Variants in HEYL observed in about 807,000 individuals in gnomAD.
HEYL encodes hes related family bHLH transcription factor with YRPW motif like.
Under a neutral mutation model 18.6 loss-of-function variants are expected in HEYL, and 12 were observed. The observed-to-expected ratio is 0.65, with a 90% CI of 0.41 to 1.05. The LOEUF (loss-of-function observed/expected upper bound fraction) is 1.05, where lower values mean the gene tolerates loss of function less well. Among genes scored for constraint, HEYL ranks in the 50% least tolerant of loss-of-function variants. The pLI is 0.00. For missense variants in HEYL, 420 were observed against 444.7 expected (o/e 0.94, Z 0.50); for synonymous variants, 159 against 179.6 (o/e 0.89, Z 0.91).
intron 4 of HEYL, 84 bp from the exon 5 acceptor site, chr1:39,627,264 G>T (rs901077265): frequency 1.6e-6 from 2 of 1,258,662 alleles, no homozygotes; most frequent in Non-Finnish European, 2.2e-6. Context: ...TTCTGGACCT[G>T]CCTCCTCCAC....
chr1:39,630,977 G>A (rs188930214), intron 3 of HEYL, among the ~76,000 whole-genome samples: 18 of 152,340 alleles, frequency 1.2e-4, no homozygotes, highest in Admixed American at 9.2e-4. Context: ...CAGAGGACCC[G>A]TGACCTATGC....
intron 1 of HEYL, among the ~76,000 whole-genome samples, chr1:39,634,251 C>T (rs372113707): frequency 5.9e-5 from 9 of 152,266 alleles, no homozygotes; most frequent in East Asian, 1.9e-4. Context: ...CCCACCACCA[C>T]GTCCAGCTAA....
At chr1:39,629,401 C>A (rs529247773) in intron 4 of HEYL, among the ~76,000 whole-genome samples, 2 of 152,298 alleles carry the variant, frequency 1.3e-5, no homozygotes, top group South Asian at 4.1e-4. Context: ...GTTAAACTTG[C>A]AAACTCCTAA....
Position 39,632,788 on chromosome 1 carries a change from A to T in HEYL, c.81-73T>A, listed in dbSNP as rs562278384. The T allele has an allele frequency of 8.8e-6, 14 of 1,587,470 alleles. No individual in the cohort carries two copies. The African/African-American group carries it at 1.9e-4, about 21-fold the overall frequency. ...CCCCGGCCTGGGCCGACCTCGGGCC[A>T]GGAGGAGCCACAGGCTGGGCCTAGA... On this transcript the variant is annotated intron_variant, in intron 1 of 4. Transcript: ENST00000372852.
At chr1:39,632,572 T>G in intron 2 of HEYL, 77 bp downstream of exon 2, 1 of 1,308,762 alleles carries the variant, frequency 7.6e-7, no homozygotes, top group South Asian at 1.3e-5. Context: ...CTGCCTAGGG[T>G]TCTCCCCGCC....
chr1:39,636,878 G>C (rs1646364559), intron 1 of HEYL, among the ~76,000 whole-genome samples: 1 of 152,198 alleles, frequency 6.6e-6, no homozygotes, highest in Admixed American at 6.5e-5. Context: ...ACTGAATGGT[G>C]ACCGCTTTGA....
At chr1:39,631,112 T>A (rs1646330691) in intron 3 of HEYL, among the ~76,000 whole-genome samples, 1 of 152,198 alleles carries the variant, frequency 6.6e-6, no homozygotes. Context: ...CACTTTCAAG[T>A]CACTCTAGAA....
rs1185277112 is a variant in HEYL at position 39,624,598 on chromosome 1, T to G, written c.*1909A>C. On this transcript the variant is annotated 3_prime_UTR_variant, in exon 5 of 5. Transcript: ENST00000372852. The stretch of plus-strand genomic sequence containing the variant: ...GATAACGGGGAAACTGGCCTTTGCC[T>G]TCTGTTACCTCCTCTGTCCCTGTCC... 1 of 152,506 alleles carries G rather than the reference T, an allele frequency of 6.6e-6. No individual in the cohort carries two copies. The highest frequency in any genetic ancestry group is 2.4e-5 in the African/African-American group (1 of 41,440). 9.4% of individuals were successfully genotyped at this position (152,506 alleles called of 1,614,324 possible). A position where few individuals can be genotyped will look rare whatever the true frequency, so the allele number is the denominator to read the frequency against.
intron 4 of HEYL, among the ~76,000 whole-genome samples, chr1:39,628,639 C>T (rs1646315008): frequency 6.6e-6 from 1 of 151,748 alleles, no homozygotes; most frequent in South Asian, 2.1e-4. Flanking sequence ...GCTCTGTCGC[C>T]CAGGCTAGAG....
At chr1:39,634,984 C>T (rs540384437) in intron 1 of HEYL, among the ~76,000 whole-genome samples, 1 of 152,328 alleles carries the variant, frequency 6.6e-6, no homozygotes, top group South Asian at 2.1e-4. Flanking sequence ...GCGTATATGA[C>T]TTAACACAAG....
intron 4 of HEYL, 59 bp downstream of exon 4, chr1:39,630,168 G>T: frequency 1.4e-6 from 2 of 1,473,266 alleles, no homozygotes; most frequent in Non-Finnish European, 9.5e-7. Context: ...ATATCCCCAG[G>T]GCCCAGCCTC....
intron 1 of HEYL, among the ~76,000 whole-genome samples, chr1:39,635,365 G>A (rs376432050): frequency 1.3e-5 from 2 of 152,176 alleles, no homozygotes; most frequent in African/African-American, 4.8e-5. Flanking sequence ...TTGATAAAGC[G>A]TCTTTCCGGG....
At position 39,626,353 on chromosome 1, in the gene HEYL, T is replaced by G; in HGVS notation, c.*154A>C. 9.7e-6 allele frequency: 6 copies of G among 621,586 alleles called. No individual in the cohort carries two copies. Among genetic ancestry groups the G allele is most frequent in the East Asian group, 3.0e-5 (1 of 33,124 alleles). 38.5% of individuals were successfully genotyped at this position (621,586 alleles called of 1,614,324 possible). A position where few individuals can be genotyped will look rare whatever the true frequency, so the allele number is the denominator to read the frequency against. ...CTGGGATAACAGTGAGAAGGAGAGA[T>G]GGGTTGGAGGAGGAGGGGGCCTCTG... is the stretch of plus-strand genomic sequence containing the variant. On this transcript the variant is annotated 3_prime_UTR_variant, in exon 5 of 5. Coordinates refer to ENST00000372852, the MANE Select transcript of HEYL (RefSeq NM_014571.4).
At chr1:39,630,050 C>T (rs1334538611) in intron 4 of HEYL, among the ~76,000 whole-genome samples, 177 bp downstream of exon 4, 1 of 152,180 alleles carries the variant, frequency 6.6e-6, no homozygotes, top group Non-Finnish European at 1.5e-5. Context: ...AATGGAGACA[C>T]TGAAAGTGGA....
chr1:39,638,595 C>T (rs1646371740), intron 1 of HEYL, among the ~76,000 whole-genome samples: 1 of 152,190 alleles, frequency 6.6e-6, no homozygotes, highest in South Asian at 2.1e-4. Context: ...AAACTGATGA[C>T]AGACTCTGTC....
In HEYL at chr1:39,626,779, T is replaced by A. The variant is rs1241013239; in HGVS notation, c.715A>T (p.Ser239Cys). Residue 239 changes from serine (S) to cysteine (C), a missense_variant, in exon 5 of 5, where the codon AGT becomes TGT. By Grantham distance (112) the Ser-to-Cys change is moderately radical. Transcript: ENST00000372852. ...ILPARRNVLPSRGASSTRRAR... is the reference protein window; with the variant it reads ...ILPARRNVLPCRGASSTRRAR... ...CTCCGGGTGGAAGATGCCCCTCGAC[T>A]GGGCAGCACATTCCTCCGGGCTGGC... is the stretch of plus-strand genomic sequence containing the variant. The A allele has an allele frequency of 6.4e-7, 1 of 1,552,870 alleles. No individual in the cohort carries two copies. Among genetic ancestry groups the A allele is most frequent in the Admixed American group, 2.0e-5 (1 of 50,962 alleles).
At chr1:39,627,414 AT>A (rs1405271026) in intron 4 of HEYL, among the ~76,000 whole-genome samples, 1 of 152,264 alleles carries the variant, frequency 6.6e-6, no homozygotes. Context: ...ACTATGAAGC[AT>A]TATAAAATGT....
chr1:39,632,646 C>T lies in HEYL; in HGVS notation c.147+3G>A, dbSNP rs1234175183. 1 of 1,613,108 alleles carries T rather than the reference C, an allele frequency of 6.2e-7. No homozygotes were observed. The highest frequency in any genetic ancestry group is 8.5e-7 in the Non-Finnish European group (1 of 1,179,418). ...CAACTCAGAGGCTGAGACGGACACT[C>T]ACCCCTCTGTGTTTCTTCCTGGCTT... On this transcript the variant is annotated splice_donor_region_variant and intron_variant, in intron 2 of 4. Transcript: ENST00000372852.
chr1:39,635,868 G>A (rs1646360000), intron 1 of HEYL, among the ~76,000 whole-genome samples: 1 of 152,226 alleles, frequency 6.6e-6, no homozygotes, highest in Non-Finnish European at 1.5e-5. Context: ...AGTGGGATGA[G>A]GTGTGGGATT....
Sources: gnomAD v4.1 joint callset for allele counts (sites outside exome capture counted in the v4.1 genomes callset) on GRCh38, gnomAD v4.1.1 for gene constraint, MANE v1.5 for transcripts, NCBI Gene and HGNC (gene_info 2026-07-23, HGNC 2026-07-21) for gene names.